The following TTC28 variants were observed in gnomAD, a reference collection of about 807,000 sequenced individuals.
TTC28 encodes the protein tetratricopeptide repeat protein 28.
TTC28 carries 61 observed loss-of-function variants against 198.0 expected under a neutral mutation model. That is an observed-to-expected ratio of 0.31 (90% CI 0.25 to 0.38). The LOEUF (loss-of-function observed/expected upper bound fraction) is 0.38, where lower values mean the gene tolerates loss of function less well. TTC28 is among the 10% of genes least tolerant of loss of function. The probability of loss-of-function intolerance (pLI) is 1.00; values close to 1 mark genes in which losing one functional copy is unlikely to be tolerated. For missense variants in TTC28, 2,678 were observed against 3,164.0 expected (o/e 0.85, Z 3.69); for synonymous variants, 1,171 against 1,297.8 (o/e 0.90, Z 2.10).
chr22:28,293,087 G>T (rs2044818130), intron 5 of TTC28, among the ~76,000 whole-genome samples: 1 of 152,284 alleles, frequency 6.6e-6, no homozygotes, highest in Non-Finnish European at 1.5e-5. Flanking sequence ...CAGGGATAAA[G>T]ATTTCCAGTA....
At chr22:28,491,030 G>C (rs2048369450) in intron 2 of TTC28, among the ~76,000 whole-genome samples, 1 of 152,070 alleles carries the variant, frequency 6.6e-6, no homozygotes, top group Non-Finnish European at 1.5e-5. Flanking sequence ...AGTTTTTTGG[G>C]GGGAAATAAA....
rs532640385 is a variant in TTC28 at position 28,480,979 on chromosome 22, G to T, written c.381+148573C>A. Among the ~76,000 whole-genome samples the T allele has an allele frequency of 1.1e-4, 16 of 152,186 alleles. No homozygotes were observed. In the East Asian group the frequency reaches 2.7e-3, roughly 26 times the overall value. On this transcript the variant is annotated intron_variant, in intron 2 of 22. Transcript: ENST00000397906. ...AATGAATAAACTGATGATTATCAAG[G>T]TTAAATGACTCCCTGAAGGTCACAC...
At chr22:28,265,344 T>C (rs1338997010) in intron 5 of TTC28, among the ~76,000 whole-genome samples, 1 of 152,182 alleles carries the variant, frequency 6.6e-6, no homozygotes, top group Non-Finnish European at 1.5e-5. Context: ...TTATCAGTGC[T>C]CATTAGTTCA....
At chr22:28,365,321 C>A (rs2046229966) in intron 2 of TTC28, among the ~76,000 whole-genome samples, 1 of 152,172 alleles carries the variant, frequency 6.6e-6, no homozygotes, top group African/African-American at 2.4e-5. Flanking sequence ...CCCAAAAATT[C>A]ATGACTTGCT....
At chr22:28,299,258 T>C (rs2044965785) in intron 3 of TTC28, among the ~76,000 whole-genome samples, 1 of 151,444 alleles carries the variant, frequency 6.6e-6, no homozygotes, top group Non-Finnish European at 1.5e-5. Flanking sequence ...AAAAAAACTA[T>C]AAAAGGGGTG....
intron 2 of TTC28, among the ~76,000 whole-genome samples, chr22:28,455,696 A>G (rs1347734179): frequency 6.6e-6 from 1 of 151,674 alleles, no homozygotes; most frequent in African/African-American, 2.4e-5. Context: ...CCTGGGTGAC[A>G]AAGTGAGACT....
chr22:28,306,430 G>A, intron 3 of TTC28, 66 bp downstream of exon 3: 1 of 1,498,306 alleles, frequency 6.7e-7, no homozygotes, highest in Non-Finnish European at 8.9e-7. Context: ...TGAGCCTAAA[G>A]TCTTGGAAGG....
At chr22:28,070,064 C>T (rs1940909795) in intron 12 of TTC28, among the ~76,000 whole-genome samples, 1 of 152,086 alleles carries the variant, frequency 6.6e-6, no homozygotes, top group African/African-American at 2.4e-5. Flanking sequence ...TGTATATAGT[C>T]AGACCCATTC....
chr22:28,272,566 C>A (rs1220614278), intron 5 of TTC28, among the ~76,000 whole-genome samples: 7 of 152,150 alleles, frequency 4.6e-5, no homozygotes, highest in Non-Finnish European at 1.0e-4. Flanking sequence ...TCAAAATATT[C>A]ATAAAAATCA....
At chr22:28,027,418 A>C (rs1158722982) in intron 13 of TTC28, among the ~76,000 whole-genome samples, 2 of 152,278 alleles carry the variant, frequency 1.3e-5, no homozygotes, top group African/African-American at 4.8e-5. Context: ...AGCAGAACAA[A>C]GAGCAATTCC....
chr22:28,572,211 T>C (rs1419474283), intron 2 of TTC28, among the ~76,000 whole-genome samples: 1 of 147,512 alleles, frequency 6.8e-6, no homozygotes, highest in South Asian at 2.1e-4. Flanking sequence ...GGCATGGTGG[T>C]GCACGACAAA....
At chr22:28,143,155 A>G (rs1391442053) in intron 6 of TTC28, among the ~76,000 whole-genome samples, 1 of 152,210 alleles carries the variant, frequency 6.6e-6, no homozygotes. Flanking sequence ...TTGACTCCCA[A>G]GATAAGAATG....
chr22:28,074,360 G>C (rs1323769021), intron 12 of TTC28, among the ~76,000 whole-genome samples: 2 of 152,180 alleles, frequency 1.3e-5, no homozygotes, highest in Non-Finnish European at 2.9e-5. Context: ...GCTAGCAGCT[G>C]ACATGGAACC....
chr22:28,319,586 T>C (rs1045420332), intron 2 of TTC28, among the ~76,000 whole-genome samples: 1 of 152,014 alleles, frequency 6.6e-6, no homozygotes, highest in Non-Finnish European at 1.5e-5. Flanking sequence ...AGGACAGGAG[T>C]ATATGGAAAC....
At chr22:28,505,698 C>G (rs1386725193) in intron 2 of TTC28, among the ~76,000 whole-genome samples, 2 of 152,158 alleles carry the variant, frequency 1.3e-5, no homozygotes, top group Non-Finnish European at 1.5e-5. Context: ...CTACTTCAGC[C>G]CCAGAATCCC....
At chr22:28,324,869 A>G (rs1472094954) in intron 2 of TTC28, among the ~76,000 whole-genome samples, 1 of 152,164 alleles carries the variant, frequency 6.6e-6, no homozygotes, top group Non-Finnish European at 1.5e-5. Flanking sequence ...TATTCAACAT[A>G]GTGTTGGAAG....
chr22:28,085,917 G>A (rs1441822725), intron 12 of TTC28, among the ~76,000 whole-genome samples: 2 of 152,072 alleles, frequency 1.3e-5, no homozygotes, highest in Admixed American at 1.3e-4. Flanking sequence ...GACAAAGAAG[G>A]CCATTACGTA....
At position 28,363,737 on chromosome 22, in the gene TTC28, T is replaced by A. The variant is rs963986719; in HGVS notation, c.382-57094A>T. On this transcript the variant is annotated intron_variant, in intron 2 of 22. Transcript: ENST00000397906. ...CTCTTGCATCAGTGTGACCTGGATG[T>A]GAGACATGGAGTCAAAGGAGATCAT... Among the ~76,000 whole-genome samples the A allele has an allele frequency of 1.4e-4, 22 of 152,324 alleles. No homozygotes were observed. In the East Asian group the frequency reaches 4.2e-3, roughly 29 times the overall value.
At chr22:28,371,284 G>A (rs1354630393) in intron 2 of TTC28, among the ~76,000 whole-genome samples, 2 of 151,272 alleles carry the variant, frequency 1.3e-5, no homozygotes, top group African/African-American at 2.4e-5. Flanking sequence ...TTGGGAGGCT[G>A]AGGCAGGCAG....
Sources: allele counts gnomAD v4.1 joint callset (sites outside exome capture counted in the v4.1 genomes callset), GRCh38; gene constraint gnomAD v4.1.1; transcripts MANE v1.5; gene names NCBI Gene and HGNC (gene_info 2026-07-23, HGNC 2026-07-21).